PTPRM: variants seen among roughly 807,000 people sequenced by gnomAD.
PTPRM encodes the protein receptor-type tyrosine-protein phosphatase mu.
PTPRM carries 47 observed loss-of-function variants against 186.7 expected under a neutral mutation model. The observed-to-expected ratio is 0.25, with a 90% CI of 0.20 to 0.32. PTPRM has a LOEUF of 0.32. Among genes scored for constraint, PTPRM ranks in the 10% least tolerant of loss-of-function variants. The pLI, the probability that PTPRM is intolerant of heterozygous loss-of-function variation, is 1.00. For synonymous variants in PTPRM, 668 were observed against 674.9 expected (o/e 0.99, Z 0.16); for missense variants, 1,494 against 1,865.0 (o/e 0.80, Z 3.66).
chr18:8,305,017 C>T (rs1033982393), intron 20 of PTPRM, among the ~76,000 whole-genome samples: 2 of 152,162 alleles, frequency 1.3e-5, no homozygotes, highest in Non-Finnish European at 2.9e-5. Flanking sequence ...CATACCTACA[C>T]GTACACCAAT....
At chr18:7,945,270 G>A (rs189508913) in intron 5 of PTPRM, among the ~76,000 whole-genome samples, 3 of 149,264 alleles carry the variant, frequency 2.0e-5, no homozygotes, top group Non-Finnish European at 3.0e-5. Flanking sequence ...TGGTGAACAC[G>A]GTGAAACCCC....
intron 5 of PTPRM, among the ~76,000 whole-genome samples, chr18:7,940,492 G>A (rs2052098551): frequency 6.6e-6 from 1 of 152,206 alleles, no homozygotes; most frequent in South Asian, 2.1e-4. Flanking sequence ...CCTGGAAGGA[G>A]ATGGAGTTGG....
At chr18:7,982,382 T>C (rs1251632048) in intron 7 of PTPRM, among the ~76,000 whole-genome samples, 1 of 151,676 alleles carries the variant, frequency 6.6e-6, no homozygotes, top group Non-Finnish European at 1.5e-5. Flanking sequence ...CTGATAGCAC[T>C]GGCCCCACCT....
Position 8,003,209 on chromosome 18 carries a change from G to A in PTPRM, c.1132+47795G>A, listed in dbSNP as rs145914228. 1.7e-3 allele frequency among the ~76,000 whole-genome samples: 261 copies of A among 152,214 alleles called. 1 individual carries two copies. Among genetic ancestry groups the A allele is most frequent in the African/African-American group, 6.1e-3 (254 of 41,540 alleles). On this transcript the variant is annotated intron_variant, in intron 7 of 32. Transcript: ENST00000580170. Reference sequence around the variant, plus strand: ...GTGGTTTCCCCCATACTGTTCTTGTGGTAGTGAATAAGTCTCATGAGATCT... The same window carrying A: ...GTGGTTTCCCCCATACTGTTCTTGTAGTAGTGAATAAGTCTCATGAGATCT...
intron 2 of PTPRM, among the ~76,000 whole-genome samples, chr18:7,823,093 GT>G (rs1192740233): frequency 1.3e-5 from 2 of 152,030 alleles, no homozygotes; most frequent in African/African-American, 4.8e-5. Context: ...CTGTCCTAAT[GT>G]TTCTCCTATT....
chr18:7,728,283 A>G (rs1168180419), intron 1 of PTPRM, among the ~76,000 whole-genome samples: 1 of 152,208 alleles, frequency 6.6e-6, no homozygotes, highest in African/African-American at 2.4e-5. Flanking sequence ...CTGGGTTCTT[A>G]TCTCATGACC....
chr18:8,283,186 ACT>A (rs2094922521), intron 19 of PTPRM, among the ~76,000 whole-genome samples: 1 of 152,186 alleles, frequency 6.6e-6, no homozygotes, highest in African/African-American at 2.4e-5. Flanking sequence ...ATACACACAC[ACT>A]GTACCAGCTT....
rs765349227 is a variant in PTPRM, at chr18:8,085,687, T to C, written c.1568T>C (p.Val523Ala). The change falls in exon 10 of 33, where the codon GTC (valine) becomes GCC (alanine). Residue 523 changes from valine to alanine, a missense_variant. Transcript: ENST00000580170. ...ITLYEITYKAVSSFDPEIDLS... is the reference protein window; with the variant it reads ...ITLYEITYKAASSFDPEIDLS... ...CTTTTGCAGATCACCTACAAAGCAGTCAGTTCCTTTGACCCAGAAATAGAT... is the reference window on the plus strand; with the variant it reads ...CTTTTGCAGATCACCTACAAAGCAGCCAGTTCCTTTGACCCAGAAATAGAT... 4.4e-6 allele frequency: 7 copies of C among 1,605,116 alleles called. No homozygotes were observed. In the South Asian group the frequency reaches 7.7e-5, roughly 18 times the overall value.
chr18:8,170,109 A>G (rs1444016887), intron 14 of PTPRM, among the ~76,000 whole-genome samples: 2 of 152,160 alleles, frequency 1.3e-5, no homozygotes, highest in Non-Finnish European at 2.9e-5. Context: ...TTCTGCACAC[A>G]TTTCTTTAAT....
At chr18:8,274,142 T>C (rs926303835) in intron 19 of PTPRM, among the ~76,000 whole-genome samples, 1 of 152,200 alleles carries the variant, frequency 6.6e-6, no homozygotes, top group African/African-American at 2.4e-5. Context: ...AAATCTTGTA[T>C]AGAGTTTTCA....
At chr18:7,728,038 T>C (rs952190678) in intron 1 of PTPRM, among the ~76,000 whole-genome samples, 3 of 152,070 alleles carry the variant, frequency 2.0e-5, no homozygotes, top group Non-Finnish European at 4.4e-5. Context: ...ACCCAAATCT[T>C]CTTGTCTCTG....
chr18:8,322,653 G>T (rs1276036511), intron 22 of PTPRM, among the ~76,000 whole-genome samples: 3 of 152,142 alleles, frequency 2.0e-5, no homozygotes, highest in Admixed American at 2.0e-4. Flanking sequence ...GCATGCAAGT[G>T]GGTAGGATTG....
At chr18:8,380,495 G>A in intron 29 of PTPRM, 68 bp downstream of exon 29, 1 of 1,582,920 alleles carries the variant, frequency 6.3e-7, no homozygotes, top group African/African-American at 1.3e-5. Context: ...CACTGAGTTT[G>A]TTTGCACCCG....
At chr18:8,385,880 G>C (rs575488285) in intron 30 of PTPRM, among the ~76,000 whole-genome samples, 1 of 152,184 alleles carries the variant, frequency 6.6e-6, no homozygotes, top group Non-Finnish European at 1.5e-5. Context: ...AAATGACAGT[G>C]ATAGGAGAGG....
In PTPRM at chr18:7,867,692, C is replaced by T. The variant is rs372696766; in HGVS notation, c.197-20414C>T. ...TTATGTGTCTTAAGGTTGCTCTTCC[C>T]GAGGACTATCTTTGTGGTGTTCTCT... is the stretch of plus-strand genomic sequence containing the variant. On this transcript the variant is annotated intron_variant, in intron 2 of 32. Coordinates refer to ENST00000580170, the MANE Select transcript of PTPRM (RefSeq NM_001105244.2). Among the ~76,000 whole-genome samples the T allele has an allele frequency of 1.1e-4, 17 of 152,194 alleles. 2 individuals are homozygous for T. In the East Asian group the frequency reaches 2.3e-3, roughly 21 times the overall value.
At chr18:7,659,802 C>T (rs947711465) in intron 1 of PTPRM, among the ~76,000 whole-genome samples, 1 of 152,148 alleles carries the variant, frequency 6.6e-6, no homozygotes, top group African/African-American at 2.4e-5. Context: ...AATCCTGGTG[C>T]CAAAAGAAAT....
chr18:7,736,174 G>A (rs963888942), intron 1 of PTPRM, among the ~76,000 whole-genome samples: 1 of 152,238 alleles, frequency 6.6e-6, no homozygotes, highest in Non-Finnish European at 1.5e-5. Flanking sequence ...TGACTTCAGG[G>A]CTGAGAGACA....
chr18:8,369,341 T>C (rs1290374600), intron 23 of PTPRM, among the ~76,000 whole-genome samples: 3 of 152,208 alleles, frequency 2.0e-5, no homozygotes, highest in Non-Finnish European at 4.4e-5. Flanking sequence ...AGCACTGGGA[T>C]TACACATTGA....
chr18:8,089,690 T>C (rs977333633), intron 11 of PTPRM, among the ~76,000 whole-genome samples: 36 of 152,198 alleles, frequency 2.4e-4, no homozygotes, highest in African/African-American at 8.2e-4. Flanking sequence ...ATAGGGTTTA[T>C]TTTCATGTTT....
Sources: gnomAD v4.1 joint callset for allele counts (sites outside exome capture counted in the v4.1 genomes callset) on GRCh38, gnomAD v4.1.1 for gene constraint, MANE v1.5 for transcripts, NCBI Gene and HGNC (gene_info 2026-07-23, HGNC 2026-07-21) for gene names.